Variants in KSR1 observed in about 807,000 individuals in gnomAD.
KSR1 encodes the protein kinase suppressor of ras 1.
A neutral mutation model predicts 92.9 loss-of-function variants in KSR1; 35 were observed. The observed-to-expected ratio is 0.38, with a 90% CI of 0.29 to 0.50. The LOEUF (loss-of-function observed/expected upper bound fraction) is 0.50. Ranked by LOEUF, KSR1 falls within the 20% of genes least tolerant of loss-of-function variation. KSR1 has a pLI of 0.94. For missense variants in KSR1, 972 were observed against 1,158.5 expected (o/e 0.84, Z 2.34); for synonymous variants, 467 against 472.6 (o/e 0.99, Z 0.15).
chr17:27,506,190 A>G (rs2069374555), intron 1 of KSR1, among the ~76,000 whole-genome samples: 1 of 152,112 alleles, frequency 6.6e-6, no homozygotes, highest in Non-Finnish European at 1.5e-5. Context: ...GTGTAGTAAT[A>G]AGGTCGGTTT....
intron 1 of KSR1, among the ~76,000 whole-genome samples, chr17:27,504,588 C>A (rs895162439): frequency 1.3e-5 from 2 of 152,146 alleles, no homozygotes; most frequent in African/African-American, 4.8e-5. Context: ...CTGGACATTT[C>A]TCACTTCTCT....
At chr17:27,605,856 C>A in intron 14 of KSR1, 43 bp downstream of exon 14, 1 of 1,605,518 alleles carries the variant, frequency 6.2e-7, no homozygotes, top group South Asian at 1.1e-5. Flanking sequence ...CCAGCTCAGC[C>A]TCCCCCTTCC....
At chr17:27,598,183 C>T (rs1299934038) in intron 10 of KSR1, among the ~76,000 whole-genome samples, 1 of 152,220 alleles carries the variant, frequency 6.6e-6, no homozygotes, top group Admixed American at 6.5e-5. Flanking sequence ...CTCGGCCTCC[C>T]TGGCAGCTCC....
At chr17:27,554,561 T>C (rs2071521580) in intron 2 of KSR1, among the ~76,000 whole-genome samples, 1 of 152,248 alleles carries the variant, frequency 6.6e-6, no homozygotes, top group African/African-American at 2.4e-5. Context: ...GAGAATCTAA[T>C]GCCTGATGAT....
At chr17:27,523,311 C>T (rs941990825) in intron 1 of KSR1, among the ~76,000 whole-genome samples, 8 of 151,580 alleles carry the variant, frequency 5.3e-5, no homozygotes, top group Non-Finnish European at 7.4e-5. Flanking sequence ...ATGAATCAGC[C>T]CGACTACATT....
Position 27,590,805 on chromosome 17 carries a change from C to G in KSR1, c.1047-6C>G, listed in dbSNP as rs755596390. On this transcript the variant is annotated splice_region_variant and splice_polypyrimidine_tract_variant and intron_variant, in intron 6 of 20. Transcript: ENST00000644974. ...GCAAACATGTGCCTGTGTCCGCCCT[C>G]TGCAGGTTCTCCACCAAGTCCTGGC... The G allele has an allele frequency of 6.2e-7, 1 of 1,608,446 alleles. No individual in the cohort carries two copies. Among genetic ancestry groups the G allele is most frequent in the Non-Finnish European group, 8.5e-7 (1 of 1,177,580 alleles).
intron 1 of KSR1, among the ~76,000 whole-genome samples, chr17:27,495,239 T>TC (rs2068946470): frequency 6.6e-6 from 1 of 152,166 alleles, no homozygotes. Flanking sequence ...CGGCTGCTCC[T>TC]CTCCTCCTCC....
chr17:27,502,739 A>G (rs1050614875), intron 1 of KSR1, among the ~76,000 whole-genome samples: 38 of 152,200 alleles, frequency 2.5e-4, no homozygotes, highest in Admixed American at 2.6e-4. Flanking sequence ...GTTTGACTTC[A>G]GTTGTTGGGG....
chr17:27,578,698 T>A (rs901050972), intron 3 of KSR1: 4 of 152,242 alleles, frequency 2.6e-5, no homozygotes, highest in Admixed American at 1.3e-4. Context: ...CTTCTTTGCT[T>A]CCTCCTTATG....
In KSR1 at chr17:27,559,824, G is replaced by A. The variant is rs1275883876; in HGVS notation, c.372+9116G>A. 6.6e-6 allele frequency among the ~76,000 whole-genome samples: 1 copy of A among 152,250 alleles called. No homozygotes were observed. The highest frequency in any genetic ancestry group is 1.5e-5 in the Non-Finnish European group (1 of 68,044). On this transcript the variant is annotated intron_variant, in intron 2 of 20. Coordinates refer to ENST00000644974, the MANE Select transcript of KSR1 (RefSeq NM_001394583.1). This position sits in a 1 kb window ranked among gnomAD's most constrained non-coding sequence, Gnocchi z 4.2. ...ATGAGGAAATCAGAGCGCTTGTGAAGCGCGTGAGGAGGAGTCTGTGAGGAG... is the reference window on the plus strand; with the variant it reads ...ATGAGGAAATCAGAGCGCTTGTGAAACGCGTGAGGAGGAGTCTGTGAGGAG...
At chr17:27,600,395 G>T (rs1246953143) in intron 10 of KSR1, among the ~76,000 whole-genome samples, 4 of 152,066 alleles carry the variant, frequency 2.6e-5, no homozygotes, top group Non-Finnish European at 5.9e-5. Flanking sequence ...AGCTGAGATT[G>T]TGCCATTGCA....
At chr17:27,543,461 C>T (rs908084430) in intron 1 of KSR1, among the ~76,000 whole-genome samples, 2 of 152,160 alleles carry the variant, frequency 1.3e-5, no homozygotes, top group African/African-American at 4.8e-5. Flanking sequence ...CTGGGGATCC[C>T]TGCAGTTCTG....
chr17:27,532,300 G>A (rs1410065962), intron 1 of KSR1, among the ~76,000 whole-genome samples: 4 of 152,314 alleles, frequency 2.6e-5, no homozygotes, highest in East Asian at 1.9e-4. Flanking sequence ...TTCTCAGTGC[G>A]GGTGAGCTAT....
At chr17:27,476,543 C>T (rs549280478) in intron 1 of KSR1, among the ~76,000 whole-genome samples, 75 of 152,140 alleles carry the variant, frequency 4.9e-4, no homozygotes, top group African/African-American at 1.8e-3. Context: ...GGAAGGAGAC[C>T]GCAGCTGTGG....
intron 3 of KSR1, chr17:27,578,904 G>C (rs1212475730): frequency 6.6e-6 from 1 of 152,088 alleles, no homozygotes; most frequent in Non-Finnish European, 1.5e-5. Context: ...TCGCTTTGTA[G>C]CTGAGGCCTC....
chr17:27,492,832 G>T (rs1006970922), intron 1 of KSR1, among the ~76,000 whole-genome samples: 9 of 152,214 alleles, frequency 5.9e-5, no homozygotes, highest in Non-Finnish European at 1.3e-4. Context: ...GGGCTAACAG[G>T]ATTTGTCTTG....
rs374385883 is a variant in KSR1, at chr17:27,605,658, G to A, written c.1839G>A (p.Glu613=). 4.3e-6 allele frequency: 7 copies of A among 1,612,124 alleles called. No individual in the cohort carries two copies. The South Asian group carries it at 4.4e-5, about 10-fold the overall frequency. The change falls in exon 14 of 21, where the codon GAG becomes GAA. Residue 613 remains glutamate (E), a synonymous_variant. Transcript: ENST00000644974. ...TGCACCGCGGCCGCTGGCATGGCGAGGTGGCCATTCGCCTGCTGGAGATGG... is the reference window on the plus strand; with the variant it reads ...TGCACCGCGGCCGCTGGCATGGCGAAGTGGCCATTCGCCTGCTGGAGATGG... The part of the protein sequence containing the change: ...GRVHRGRWHG[E]VAIRLLEMDG...
intron 1 of KSR1, among the ~76,000 whole-genome samples, chr17:27,509,405 C>T (rs1055601780): frequency 3.3e-5 from 5 of 152,108 alleles, no homozygotes; most frequent in Admixed American, 1.3e-4. Flanking sequence ...ATTCTCCTGC[C>T]TCAGCCTCCC....
intron 1 of KSR1, among the ~76,000 whole-genome samples, chr17:27,468,940 G>T (rs1173981577): frequency 6.6e-6 from 1 of 152,180 alleles, no homozygotes; most frequent in African/African-American, 2.4e-5. Flanking sequence ...CTGATTTCCA[G>T]TCCATTCTTG....
Sources: allele counts gnomAD v4.1 joint callset (sites outside exome capture counted in the v4.1 genomes callset), GRCh38; gene constraint gnomAD v4.1.1; non-coding constraint Gnocchi (gnomAD v3.1); transcripts MANE v1.5; gene names NCBI Gene and HGNC (gene_info 2026-07-23, HGNC 2026-07-21).